Variants in LNP1 observed in about 807,000 individuals in gnomAD.
LNP1 encodes the protein leukemia NUP98 fusion partner 1.
A neutral mutation model predicts 14.5 loss-of-function variants in LNP1; 12 were observed. The observed-to-expected ratio is 0.83, with a 90% confidence interval of 0.53 to 1.34. The LOEUF is 1.34. LNP1 is among the 40% of genes most tolerant of loss of function. LNP1 has a pLI of 0.00. For missense variants in LNP1, 198 were observed against 210.9 expected, an observed-to-expected ratio of 0.94 and a Z score of 0.38; for synonymous variants, 75 against 71.4, an observed-to-expected ratio of 1.05 and a Z score of -0.26.
chr3:100,431,305 G>T (rs1270573966), intron 2 of LNP1, among the ~76,000 whole-genome samples: 1 of 152,108 alleles, frequency 6.6e-6, no homozygotes, highest in African/African-American at 2.4e-5. Flanking sequence ...TCACTTTTAG[G>T]TTACAATGGT....
intron 2 of LNP1, 114 bp from the exon 3 acceptor site, chr3:100,451,605 A>G: frequency 1.6e-6 from 1 of 619,984 alleles, no homozygotes; most frequent in East Asian, 2.8e-5. Flanking sequence ...TCACAAAGAT[A>G]ATATATCAAT....
At position 100,429,996 on chromosome 3, in the gene LNP1, A is replaced by G. The variant is rs760640881; in HGVS notation, c.156+111A>G. 5.7e-5 allele frequency: 60 copies of G among 1,058,000 alleles called. No individual in the cohort carries two copies. The highest frequency in any genetic ancestry group is 8.0e-5 in the Non-Finnish European group (59 of 738,494). The allele number at this position is 1,058,000 out of a possible 1,614,324, so 65.5% of individuals were successfully genotyped here. A position where few individuals can be genotyped will look rare whatever the true frequency, so the allele number is the denominator to read the frequency against. ...ATAAAGTTTTCTTTGGTTTAAAACC[A>G]GTACTTCTGAGTCTTTCTCATACCC... On this transcript the variant is annotated intron_variant, in intron 2 of 3. Transcript: ENST00000383693.
At chr3:100,439,183 A>T (rs1273005338) in intron 2 of LNP1, among the ~76,000 whole-genome samples, 1 of 152,012 alleles carries the variant, frequency 6.6e-6, no homozygotes, top group Non-Finnish European at 1.5e-5. Context: ...TTGTACAAAC[A>T]TCCATTTCAC....
chr3:100,450,402 C>T (rs989863980), intron 2 of LNP1, among the ~76,000 whole-genome samples: 4 of 149,934 alleles, frequency 2.7e-5, no homozygotes, highest in East Asian at 2.0e-4. Flanking sequence ...AGCGTGATCT[C>T]GGCTCACCGC....
chr3:100,421,696 A>C (rs978737864), intron 1 of LNP1, among the ~76,000 whole-genome samples: 1 of 152,176 alleles, frequency 6.6e-6, no homozygotes, highest in Non-Finnish European at 1.5e-5. Context: ...ACCCACTTGT[A>C]AAAAAGAGAG....
At chr3:100,452,650 G>A (rs751497377) in intron 3 of LNP1, among the ~76,000 whole-genome samples, 19 of 152,040 alleles carry the variant, frequency 1.2e-4, no homozygotes, top group Admixed American at 7.2e-4. Flanking sequence ...AGTCTATGAT[G>A]GTGTTTTGTT....
At chr3:100,442,702 C>A (rs1245177631) in intron 2 of LNP1, among the ~76,000 whole-genome samples, 1 of 152,142 alleles carries the variant, frequency 6.6e-6, no homozygotes, top group Non-Finnish European at 1.5e-5. Flanking sequence ...CTGTTCCCAG[C>A]CTGACTTTTC....
At chr3:100,441,931 C>A (rs2148906259) in intron 2 of LNP1, among the ~76,000 whole-genome samples, 1 of 152,234 alleles carries the variant, frequency 6.6e-6, no homozygotes, top group East Asian at 1.9e-4. Context: ...TCTCAAAGTG[C>A]TGGGATTACA....
chr3:100,421,428 T>C (rs1707142684), intron 1 of LNP1, among the ~76,000 whole-genome samples: 2 of 152,168 alleles, frequency 1.3e-5, no homozygotes, highest in African/African-American at 2.4e-5. Flanking sequence ...TTTGACCAAA[T>C]ATCTGGGCAC....
At chr3:100,405,511 T>C (rs1419434122) in intron 1 of LNP1, among the ~76,000 whole-genome samples, 1 of 152,188 alleles carries the variant, frequency 6.6e-6, no homozygotes, top group Non-Finnish European at 1.5e-5. Flanking sequence ...TGTGCCAGCA[T>C]GGTCAAATTC....
intron 2 of LNP1, among the ~76,000 whole-genome samples, chr3:100,446,330 A>G (rs1707386413): frequency 6.6e-6 from 1 of 152,262 alleles, no homozygotes; most frequent in African/African-American, 2.4e-5. Flanking sequence ...GACAAATCTG[A>G]CAAAAACAAG....
At chr3:100,423,180 A>AT (rs1448584305) in intron 1 of LNP1, among the ~76,000 whole-genome samples, 2 of 152,338 alleles carry the variant, frequency 1.3e-5, no homozygotes, top group East Asian at 3.9e-4. Context: ...AAAGAAAAAA[A>AT]GATGTAGCAG....
rs528914637 is a variant in LNP1 at position 100,402,781 on chromosome 3, G to GCTC, written c.-34+343_-34+344insTCC. 3.0e-4 allele frequency among the ~76,000 whole-genome samples: 46 copies of GCTC among 151,866 alleles called. No homozygotes were observed. In the East Asian group the frequency reaches 8.3e-3, roughly 27 times the overall value. On this transcript the variant is annotated intron_variant, in intron 1 of 3. Transcript: ENST00000383693. ...ACCTTTTTCTTATTTATTGGAGTAA[G>GCTC]CAATACACTGTTACGGTTAAACTCC...
chr3:100,413,372 T>C (rs2148899649), intron 1 of LNP1, among the ~76,000 whole-genome samples: 1 of 152,368 alleles, frequency 6.6e-6, no homozygotes, highest in Middle Eastern at 3.4e-3. Context: ...TGTCACTTTA[T>C]GATTCAATCA....
At chr3:100,448,856 C>G (rs1037750330) in intron 2 of LNP1, among the ~76,000 whole-genome samples, 2 of 152,114 alleles carry the variant, frequency 1.3e-5, no homozygotes, top group South Asian at 4.1e-4. Flanking sequence ...CTTATAGATT[C>G]ATAAAACCGT....
intron 1 of LNP1, among the ~76,000 whole-genome samples, chr3:100,407,198 T>G (rs1706978284): frequency 6.6e-6 from 1 of 152,234 alleles, no homozygotes; most frequent in African/African-American, 2.4e-5. Context: ...TTTTATACTT[T>G]CAGATGTTTC....
intron 2 of LNP1, among the ~76,000 whole-genome samples, chr3:100,445,600 T>A (rs979845854): frequency 2.0e-5 from 3 of 152,206 alleles, no homozygotes; most frequent in Non-Finnish European, 4.4e-5. Flanking sequence ...AAAAAACATT[T>A]TTAATCTCAG....
intron 2 of LNP1, among the ~76,000 whole-genome samples, chr3:100,431,828 CAAA>C (rs761853159): frequency 1.2e-4 from 8 of 65,304 alleles, no homozygotes; most frequent in East Asian, 1.2e-3. Context: ...CTCCGTCTCT[CAAA>C]AAAAAAAAAA....
chr3:100,413,228 G>A (rs1467360855), intron 1 of LNP1, among the ~76,000 whole-genome samples: 1 of 152,178 alleles, frequency 6.6e-6, no homozygotes, highest in African/African-American at 2.4e-5. Flanking sequence ...TCTCATTTAT[G>A]ATATATGGAA....
Sources: allele counts gnomAD v4.1 joint callset (sites outside exome capture counted in the v4.1 genomes callset), GRCh38; gene constraint gnomAD v4.1.1; transcripts MANE v1.5; gene names NCBI Gene and HGNC (gene_info 2026-07-23, HGNC 2026-07-21).